TMEM132D: variants seen among roughly 807,000 people sequenced by gnomAD.
The protein encoded by TMEM132D is transmembrane protein 132D, also known as mature OL transmembrane protein.
Under a neutral mutation model 62.3 loss-of-function variants are expected in TMEM132D, and 21 were observed. That is an observed-to-expected ratio of 0.34 (90% confidence interval 0.24 to 0.49). TMEM132D has a LOEUF of 0.49. TMEM132D is among the 20% of genes least tolerant of loss of function. The pLI, the probability that TMEM132D is intolerant of heterozygous loss-of-function variation, is 0.99. For synonymous variants in TMEM132D, 621 were observed against 575.6 expected, an observed-to-expected ratio of 1.08 and a Z score of -1.13; for missense variants, 1,346 against 1,402.8, an observed-to-expected ratio of 0.96 and a Z score of 0.65.
chr12:129,313,275 C>T (rs140754100), intron 4 of TMEM132D, among the ~76,000 whole-genome samples: 1,920 of 152,230 alleles, frequency 0.013, 44 homozygotes, highest in African/African-American at 0.044. Context: ...ATCACCCAAG[C>T]AGTATACACT....
intron 5 of TMEM132D, among the ~76,000 whole-genome samples, chr12:129,188,019 C>T (rs971077786): frequency 1.4e-4 from 22 of 152,174 alleles, no homozygotes; most frequent in South Asian, 4.1e-4. Context: ...CTTAACATGA[C>T]GCGGTAGACT....
rs1234853316 is a variant in TMEM132D at position 129,790,392 on chromosome 12, G to GATTT, written c.80-89695_80-89694insAAAT. 3.9e-5 allele frequency among the ~76,000 whole-genome samples: 6 copies of GATTT among 152,128 alleles called. No individual in the cohort carries two copies. The East Asian group carries it at 1.2e-3, about 29-fold the overall frequency. ...ACAAATTGGAGATGGTAAATGTGGG[G>GATTT]GATTTTATTGCCAATGAAAGCGGCT... is the stretch of plus-strand genomic sequence containing the variant. On this transcript the variant is annotated intron_variant, in intron 1 of 8. Coordinates refer to ENST00000422113, the MANE Select transcript of TMEM132D (RefSeq NM_133448.3).
intron 2 of TMEM132D, among the ~76,000 whole-genome samples, chr12:129,560,961 C>G (rs142107179): frequency 6.6e-6 from 1 of 152,140 alleles, no homozygotes; most frequent in Admixed American, 6.5e-5. Context: ...GAAGTATGAA[C>G]TACTTCTCTG....
At chr12:129,900,856 G>A (rs1483477549) in intron 1 of TMEM132D, among the ~76,000 whole-genome samples, 1 of 152,190 alleles carries the variant, frequency 6.6e-6, no homozygotes, top group Non-Finnish European at 1.5e-5. Context: ...AACTCCGTGT[G>A]TCATACCATA....
intron 5 of TMEM132D, among the ~76,000 whole-genome samples, chr12:129,199,259 A>G (rs1454102596): frequency 6.6e-6 from 1 of 151,916 alleles, no homozygotes; most frequent in Non-Finnish European, 1.5e-5. Flanking sequence ...ACAGGCATGC[A>G]CCCAGCTAAT....
chr12:129,416,835 T>C (rs908724695), intron 3 of TMEM132D, among the ~76,000 whole-genome samples: 1 of 152,208 alleles, frequency 6.6e-6, no homozygotes, highest in Non-Finnish European at 1.5e-5. Flanking sequence ...GTTTATGTGA[T>C]GGATTATGTT....
chr12:129,322,073 A>C (rs995944602), intron 4 of TMEM132D, among the ~76,000 whole-genome samples: 7 of 151,580 alleles, frequency 4.6e-5, no homozygotes, highest in Non-Finnish European at 1.0e-4. Context: ...TTTTCTTTCC[A>C]CCAGCCTTAA....
chr12:129,616,974 TTTTG>T (rs1301732634), intron 2 of TMEM132D, among the ~76,000 whole-genome samples: 37 of 152,204 alleles, frequency 2.4e-4, no homozygotes, highest in African/African-American at 8.7e-4. Flanking sequence ...TTTTGTTTCA[TTTTG>T]TTTTTTGTTT....
At chr12:129,633,453 T>C (rs1279608845) in intron 2 of TMEM132D, among the ~76,000 whole-genome samples, 1 of 152,168 alleles carries the variant, frequency 6.6e-6, no homozygotes, top group Non-Finnish European at 1.5e-5. Context: ...GGCACATAAG[T>C]AGAACCAAAT....
At chr12:129,500,449 G>A (rs1182388877) in intron 3 of TMEM132D, among the ~76,000 whole-genome samples, 1 of 100,292 alleles carries the variant, frequency 1.0e-5, no homozygotes. Context: ...TCTATGGATG[G>A]CTTAGTAAGC....
chr12:129,337,577 C>A, intron 4 of TMEM132D, 57 bp downstream of exon 4: 8 of 1,603,450 alleles, frequency 5.0e-6, no homozygotes, highest in Non-Finnish European at 6.0e-6. Flanking sequence ...AGTGCGGCGC[C>A]GGCGCCTTCC....
At chr12:129,308,210 G>A (rs1881888413) in intron 4 of TMEM132D, among the ~76,000 whole-genome samples, 1 of 152,142 alleles carries the variant, frequency 6.6e-6, no homozygotes, top group East Asian at 1.9e-4. Context: ...AAAGCATGCT[G>A]TTTGATACCT....
intron 1 of TMEM132D, among the ~76,000 whole-genome samples, chr12:129,730,669 A>G (rs1869201386): frequency 6.6e-6 from 1 of 151,534 alleles, no homozygotes; most frequent in African/African-American, 2.4e-5. Flanking sequence ...GAGTCAGTGG[A>G]CTGGGAAAAG....
intron 3 of TMEM132D, among the ~76,000 whole-genome samples, chr12:129,431,721 G>C (rs1366917205): frequency 6.6e-6 from 1 of 152,058 alleles, no homozygotes; most frequent in Admixed American, 6.6e-5. Flanking sequence ...AACCTCCATG[G>C]GTTTCCCATC....
intron 4 of TMEM132D, among the ~76,000 whole-genome samples, chr12:129,330,091 A>G (rs1297937462): frequency 6.6e-6 from 1 of 152,212 alleles, no homozygotes; most frequent in Admixed American, 6.5e-5. Flanking sequence ...AGGAAGATGC[A>G]GCTGAGATAA....
At chr12:129,828,975 C>T (rs551480622) in intron 1 of TMEM132D, among the ~76,000 whole-genome samples, 100 of 151,604 alleles carry the variant, frequency 6.6e-4, no homozygotes, top group Non-Finnish European at 1.3e-3. Flanking sequence ...GAGGAGGTGG[C>T]CGAGGGAATT....
rs566885849 is a variant in TMEM132D at position 129,383,743 on chromosome 12, G to T, written c.1116-45926C>A. On this transcript the variant is annotated intron_variant, in intron 3 of 8. Transcript: ENST00000422113. ...TGTGAGCCACCATGCCTGGCCTCTA[G>T]GTAACCTTTTATTTGAAGTTGAGAT... Among the ~76,000 whole-genome samples, 13 of 152,280 alleles carry T rather than the reference G, an allele frequency of 8.5e-5. No individual in the cohort carries two copies. In the East Asian group the frequency reaches 2.5e-3, roughly 29 times the overall value.
chr12:129,624,000 C>T (rs540209068), intron 2 of TMEM132D, among the ~76,000 whole-genome samples: 6 of 152,068 alleles, frequency 3.9e-5, no homozygotes, highest in East Asian at 1.9e-4. Context: ...TTAACCCTAG[C>T]GCACAGCACA....
intron 3 of TMEM132D, among the ~76,000 whole-genome samples, chr12:129,444,954 A>G (rs1042599736): frequency 2.6e-5 from 4 of 152,324 alleles, no homozygotes; most frequent in African/African-American, 9.6e-5. Flanking sequence ...CAAAACTACT[A>G]TTTGACCCAG....
Sources: allele counts gnomAD v4.1 joint callset (sites outside exome capture counted in the v4.1 genomes callset), GRCh38; gene constraint gnomAD v4.1.1; transcripts MANE v1.5; gene names NCBI Gene and HGNC (gene_info 2026-07-23, HGNC 2026-07-21).